Variants in NPHP4 observed in about 807,000 individuals in gnomAD.
NPHP4 encodes the protein nephrocystin 4, also known as nephrocystin-4.
A neutral mutation model predicts 155.8 loss-of-function variants in NPHP4; 151 were observed. The ratio of observed to expected loss-of-function variants is 0.97; its 90% CI spans 0.85 to 1.11. The LOEUF (loss-of-function observed/expected upper bound fraction) is 1.11. Among genes scored for constraint, NPHP4 ranks in the 50% least tolerant of loss-of-function variants. NPHP4 has a pLI of 0.00. For missense variants in NPHP4, 1,956 were observed against 1,925.7 expected, an observed-to-expected ratio of 1.02 and a Z score of -0.29; for synonymous variants, 845 against 816.8, an observed-to-expected ratio of 1.03 and a Z score of -0.59.
At chr1:5,957,933 T>C (rs1384803252) in intron 6 of NPHP4, among the ~76,000 whole-genome samples, 1 of 152,232 alleles carries the variant, frequency 6.6e-6, no homozygotes, top group African/African-American at 2.4e-5. Context: ...AAGAGAGACC[T>C]ATGACCTCCC....
At chr1:5,924,552 AG>A (rs1239102380) in intron 11 of NPHP4, among the ~76,000 whole-genome samples, 1 of 152,208 alleles carries the variant, frequency 6.6e-6, no homozygotes, top group East Asian at 1.9e-4. Context: ...CCAGCCCAAA[AG>A]CCCGACAGCA....
In NPHP4 at chr1:5,867,570, G is replaced by C; in HGVS notation, c.3472+170C>G. 1 of 691,896 alleles carries C rather than the reference G, an allele frequency of 1.4e-6. No homozygotes were observed. Among genetic ancestry groups the C allele is most frequent in the Non-Finnish European group, 2.4e-6 (1 of 420,006 alleles). The allele number at this position is 691,896 out of a possible 1,614,324, so 42.9% of individuals were successfully genotyped here. A position where few individuals can be genotyped will look rare whatever the true frequency, so the allele number is the denominator to read the frequency against. On this transcript the variant is annotated intron_variant, in intron 24 of 29. Transcript: ENST00000378156. This position sits in a 1 kb window ranked among gnomAD's most constrained non-coding sequence, Gnocchi z 4.1. Reference sequence around the variant, plus strand: ...CTAGTCATCTCAGAGGTGGCAAGAGGGACACCGTTTCAAACCATAAAGGCA... The same window carrying C: ...CTAGTCATCTCAGAGGTGGCAAGAGCGACACCGTTTCAAACCATAAAGGCA...
Position 5,885,299 on chromosome 1 carries a change from AC to A in NPHP4, c.2485+1986del, listed in dbSNP as rs1208543503. Among the ~76,000 whole-genome samples, 3 of 117,404 alleles carry A rather than the reference AC, an allele frequency of 2.6e-5. No individual in the cohort carries two copies. In the South Asian group the frequency reaches 8.9e-4, roughly 35 times the overall value. 77.0% of individuals were successfully genotyped at this position (117,404 alleles called of 152,430 possible). On this transcript the variant is annotated intron_variant, in intron 18 of 29. Coordinates refer to ENST00000378156, the MANE Select transcript of NPHP4 (RefSeq NM_015102.5). The stretch of plus-strand genomic sequence containing the variant: ...GATAAGTGCCCAAGCTCCCAGAAAA[AC>A]CCCCGTCCTACTCTACAACCAAGAT...
At chr1:5,925,779 C>A (rs906686838) in intron 11 of NPHP4, among the ~76,000 whole-genome samples, 5 of 152,134 alleles carry the variant, frequency 3.3e-5, no homozygotes, top group African/African-American at 1.2e-4. Flanking sequence ...CCACATCCAG[C>A]TAATTTTTTG....
In NPHP4 at chr1:5,874,491, CTGCAG is replaced by C; in HGVS notation, c.3206_3210del (p.Ser1069TrpfsTer32). The C allele has an allele frequency of 6.4e-7, 1 of 1,562,700 alleles. No homozygotes were observed. Among genetic ancestry groups the C allele is most frequent in the Non-Finnish European group, 8.7e-7 (1 of 1,151,676 alleles). On this transcript the variant is annotated frameshift_variant, in exon 22 of 30. Transcript: ENST00000378156. LOFTEE classifies it high-confidence loss of function. ...CGCACCTGCACCATGGCCAGCTGCCCTGCAGAGAAGCTCTGGAACTTGAAGGGGAC... is the reference window on the plus strand; with the variant it reads ...CGCACCTGCACCATGGCCAGCTGCCCAGAAGCTCTGGAACTTGAAGGGGAC...
intron 11 of NPHP4, among the ~76,000 whole-genome samples, chr1:5,914,976 G>C (rs1460879782): frequency 6.6e-6 from 1 of 152,244 alleles, no homozygotes; most frequent in Non-Finnish European, 1.5e-5. Context: ...CTGCCAGCCT[G>C]CCACTGAGCA....
Position 5,905,531 on chromosome 1 carries a change from C to A in NPHP4, c.1764-48G>T. The A allele has an allele frequency of 6.3e-7, 1 of 1,594,722 alleles. No homozygotes were observed. The highest frequency in any genetic ancestry group is 8.6e-7 in the Non-Finnish European group (1 of 1,165,044). ...GTAGCCTCCCGGGAAAGGGGGGACC[C>A]ATTGATGCACCTCCCTGTGGAAACC... On this transcript the variant is annotated intron_variant, in intron 14 of 29. Transcript: ENST00000378156. This position sits in a 1 kb window ranked among gnomAD's most constrained non-coding sequence, Gnocchi z 4.0.
At chr1:5,989,868 G>A (rs574695736) in intron 1 of NPHP4, among the ~76,000 whole-genome samples, 2 of 152,320 alleles carry the variant, frequency 1.3e-5, no homozygotes, top group South Asian at 2.1e-4. Context: ...GGAGCATGAA[G>A]CATGCCGGCC....
rs1459572279 is a variant in NPHP4 at position 5,910,029 on chromosome 1, G to A, written c.1442-816C>T. 6.6e-6 allele frequency among the ~76,000 whole-genome samples: 1 copy of A among 152,194 alleles called. No homozygotes were observed. The highest frequency in any genetic ancestry group is 1.5e-5 in the Non-Finnish European group (1 of 68,022). ...AGCAGGAGGAAGCCCCAGCATCGCT[G>A]GAGTCTCTGAAACCCACCAGGCTCC... On this transcript the variant is annotated intron_variant, in intron 11 of 29. Transcript: ENST00000378156. This position sits in a 1 kb window ranked among gnomAD's most constrained non-coding sequence, Gnocchi z 5.4.
At chr1:5,880,622 T>G in intron 18 of NPHP4, 1 of 252,430 alleles carries the variant, frequency 4.0e-6, no homozygotes, top group South Asian at 5.3e-5. Context: ...TAGGCCTGTG[T>G]GCATTTACAC....
At chr1:5,920,617 C>A (rs1466647658) in intron 11 of NPHP4, among the ~76,000 whole-genome samples, 1 of 152,190 alleles carries the variant, frequency 6.6e-6, no homozygotes, top group African/African-American at 2.4e-5. Flanking sequence ...CTGGACATAT[C>A]TTTACTCATT....
intron 20 of NPHP4, 68 bp from the exon 21 acceptor site, chr1:5,875,168 G>T: frequency 2.5e-6 from 3 of 1,190,190 alleles, no homozygotes; most frequent in Non-Finnish European, 3.6e-6. Context: ...GCTATTGCTG[G>T]CTGCCCACCA....
At chr1:5,985,725 A>G (rs541088303) in intron 2 of NPHP4, among the ~76,000 whole-genome samples, 2 of 152,334 alleles carry the variant, frequency 1.3e-5, no homozygotes, top group South Asian at 4.1e-4. Flanking sequence ...GCCCAAGGTA[A>G]TGGGTATGGT....
chr1:5,967,403 C>T (rs772535185), intron 4 of NPHP4, 40 bp from the exon 5 acceptor site: 2 of 1,524,174 alleles, frequency 1.3e-6, no homozygotes, highest in African/African-American at 1.4e-5. Flanking sequence ...CAGCCACGTG[C>T]GCACTTCTCA....
intron 3 of NPHP4, among the ~76,000 whole-genome samples, chr1:5,970,716 T>C (rs571307310): frequency 6.6e-6 from 1 of 152,222 alleles, no homozygotes; most frequent in African/African-American, 2.4e-5. Context: ...GAGCCGAGGC[T>C]GGTCTTCCGC....
Position 5,877,098 on chromosome 1 carries a change from C to A in NPHP4, c.2812G>T (p.Val938Leu), listed in dbSNP as rs184961418. ...ACAGCTGAACAAACCCTTACCAACA[C>A]GCTCGTCCCGCGCCGGCCCAAGTCT... Reference protein sequence around the residue: ...GGDLGRRGTSVLAQQSVRTQH... With the variant: ...GGDLGRRGTSLLAQQSVRTQH... The change falls in exon 20 of 30, where the codon GTG becomes TTG. Residue 938 changes from valine (V) to leucine (L), a missense_variant. Coordinates refer to ENST00000378156, the MANE Select transcript of NPHP4 (RefSeq NM_015102.5). The A allele has an allele frequency of 4.5e-6, 7 of 1,563,438 alleles. No individual in the cohort carries two copies. The highest frequency in any genetic ancestry group is 1.9e-4 in the Middle Eastern group (1 of 5,258).
In NPHP4 at chr1:5,952,844, A is replaced by C. The variant is rs772596216; in HGVS notation, c.674-8T>G. 27 of 1,595,648 alleles carry C rather than the reference A, an allele frequency of 1.7e-5. No homozygotes were observed. The highest frequency in any genetic ancestry group is 2.3e-5 in the East Asian group (1 of 44,098). On this transcript the variant is annotated splice_region_variant and splice_polypyrimidine_tract_variant and intron_variant, in intron 6 of 29. Coordinates refer to ENST00000378156, the MANE Select transcript of NPHP4 (RefSeq NM_015102.5). ...GCTTTCGGAGAGCGTCGCCTGAAAC[A>C]GTGAGGGTGCGAAAAGGGTCATCCT...
rs35680448 is a variant in NPHP4, at chr1:5,933,303, G to T, written c.1146C>A (p.Asn382Lys). Reference protein sequence around the residue: ...GNAASVTSLSNLACMHMVRWA... With the variant: ...GNAASVTSLSKLACMHMVRWA... Reference sequence around the variant, plus strand: ...AGCGGACCATGTGCATGCATGCCAGGTTGGACAGAGAGGTGACCGAAGCTG... The same window carrying T: ...AGCGGACCATGTGCATGCATGCCAGTTTGGACAGAGAGGTGACCGAAGCTG... Residue 382 changes from asparagine to lysine, a missense_variant, in exon 10 of 30, where the codon AAC (asparagine) becomes AAA (lysine). Physicochemically the swap from Asn to Lys is moderately conservative, Grantham distance 94. Transcript: ENST00000378156. 6.2e-7 allele frequency: 1 copy of T among 1,613,308 alleles called. No homozygotes were observed. The highest frequency in any genetic ancestry group is 8.5e-7 in the Non-Finnish European group (1 of 1,179,838).
At chr1:5,927,964 G>A (rs562284014) in intron 10 of NPHP4, among the ~76,000 whole-genome samples, 177 bp from the exon 11 acceptor site, 1 of 152,290 alleles carries the variant, frequency 6.6e-6, no homozygotes, top group African/African-American at 2.4e-5. Flanking sequence ...AGCAATTGGT[G>A]TGGCATTAAA....
Sources: gnomAD v4.1 joint callset for allele counts (sites outside exome capture counted in the v4.1 genomes callset) on GRCh38, gnomAD v4.1.1 for gene constraint, Gnocchi (gnomAD v3.1) non-coding constraint, MANE v1.5 for transcripts, NCBI Gene and HGNC (gene_info 2026-07-23, HGNC 2026-07-21) for gene names.